ZNF324B: variants seen among roughly 807,000 people sequenced by gnomAD.
ZNF324B encodes the protein zinc finger protein 324B.
ZNF324B carries 7 observed loss-of-function variants against 10.6 expected under a neutral mutation model. That is an observed-to-expected ratio of 0.66 (90% confidence interval 0.38 to 1.24). The LOEUF is 1.24. Ranked by LOEUF, ZNF324B falls within the 50% of genes most tolerant of loss-of-function variation. The probability of loss-of-function intolerance (pLI) is 0.02; values close to 1 mark genes in which losing one functional copy is unlikely to be tolerated. For synonymous variants in ZNF324B, 316 were observed against 321.0 expected (o/e 0.98, Z 0.17); for missense variants, 640 against 764.7 (o/e 0.84, Z 1.92).
chr19:58,438,875 G>A, the ZNF324B span, among the ~76,000 whole-genome samples: 1 of 151,776 alleles, frequency 6.6e-6, no homozygotes, highest in African/African-American at 2.4e-5. Context: ...GATTCAAACA[G>A]TTCTTCTGCC....
upstream of ZNF324B, among the ~76,000 whole-genome samples, chr19:58,447,949 T>C (rs2052835241): frequency 6.6e-6 from 1 of 152,220 alleles, no homozygotes; most frequent in Non-Finnish European, 1.5e-5. Context: ...CCTGCCACCA[T>C]GTAAGACAGG....
chr19:58,432,334 A>T, the ZNF324B span: 3 of 517,564 alleles, frequency 5.8e-6, no homozygotes, highest in Non-Finnish European at 1.2e-5. Context: ...CATGGCAAAT[A>T]CAAAGGTCTG....
At chr19:58,435,643 A>T in the ZNF324B span, 1 of 167,684 alleles carries the variant, frequency 6.0e-6, no homozygotes, top group Admixed American at 5.7e-5. Context: ...TGGAGCACTT[A>T]TACACTGCAG....
chr19:58,445,632 A>G, the ZNF324B span: 4 of 387,334 alleles, frequency 1.0e-5, no homozygotes, highest in Non-Finnish European at 2.0e-5. Context: ...CCTGGCTAAC[A>G]TGGCAAACCC....
chr19:58,442,340 T>G, the ZNF324B span: 2 of 149,746 alleles, frequency 1.3e-5, no homozygotes, highest in African/African-American at 5.0e-5. Flanking sequence ...GGCTAATTTT[T>G]TTTTTTTGTA....
At chr19:58,420,433 A>T in the ZNF324B span, among the ~76,000 whole-genome samples, 8 of 151,406 alleles carry the variant, frequency 5.3e-5, no homozygotes, top group African/African-American at 1.2e-4. Flanking sequence ...AAAAAAAAAA[A>T]TTTGGGAGTA....
At chr19:58,446,720 C>G (rs11671113), upstream of ZNF324B, among the ~76,000 whole-genome samples, 1 of 150,350 alleles carries the variant, frequency 6.7e-6, no homozygotes, top group East Asian at 2.0e-4. Flanking sequence ...GGAATTACAG[C>G]CACACACCAC....
At chr19:58,449,180 G>A (rs2052840005), upstream of ZNF324B, among the ~76,000 whole-genome samples, 1 of 152,234 alleles carries the variant, frequency 6.6e-6, no homozygotes, top group Non-Finnish European at 1.5e-5. Context: ...TCAAGCCTTG[G>A]CAGCTCCCAT....
At chr19:58,422,834 A>G in the ZNF324B span, among the ~76,000 whole-genome samples, 1 of 152,198 alleles carries the variant, frequency 6.6e-6, no homozygotes, top group African/African-American at 2.4e-5. Flanking sequence ...ATGGAAAAAC[A>G]TATGCTCATG....
At chr19:58,426,142 C>G in the ZNF324B span, among the ~76,000 whole-genome samples, 1 of 152,174 alleles carries the variant, frequency 6.6e-6, no homozygotes, top group Admixed American at 6.5e-5. Context: ...GCCTCCCCAT[C>G]AAACAATCGA....
the ZNF324B span, chr19:58,442,019 C>G: frequency 6.6e-6 from 1 of 152,422 alleles, no homozygotes; most frequent in Non-Finnish European, 1.5e-5. Flanking sequence ...CTCCGCCTTT[C>G]CATTGTTCCC....
At chr19:58,449,498 C>G (rs1025937519), upstream of ZNF324B, among the ~76,000 whole-genome samples, 3 of 152,206 alleles carry the variant, frequency 2.0e-5, no homozygotes, top group Admixed American at 6.5e-5. Flanking sequence ...GTCACAGACA[C>G]TCAACACCAG....
At chr19:58,420,612 G>A in the ZNF324B span, among the ~76,000 whole-genome samples, 1 of 151,806 alleles carries the variant, frequency 6.6e-6, no homozygotes, top group Non-Finnish European at 1.5e-5. Context: ...ATGTGCCCAG[G>A]CTGATCTTGA....
Position 58,456,629 on chromosome 19 carries a change from C to A in ZNF324B, c.*50C>A. The stretch of plus-strand genomic sequence containing the variant: ...TTCTTGGCCTTCTGTGAATCCCTTC[C>A]ACAGCTAAAGGGTCCGAGTGCTCTT... On this transcript the variant is annotated 3_prime_UTR_variant, in exon 4 of 4. Coordinates refer to ENST00000336614, the MANE Select transcript of ZNF324B (RefSeq NM_207395.3). This position sits in a 1 kb window ranked among gnomAD's most constrained non-coding sequence, Gnocchi z 4.7. 6.3e-7 allele frequency: 1 copy of A among 1,576,236 alleles called. No homozygotes were observed.
At chr19:58,447,121 G>T (rs1272698674), upstream of ZNF324B, among the ~76,000 whole-genome samples, 1 of 152,044 alleles carries the variant, frequency 6.6e-6, no homozygotes, top group South Asian at 2.1e-4. Context: ...ACTTACAGGC[G>T]TGTGCCACCA....
upstream of ZNF324B, among the ~76,000 whole-genome samples, chr19:58,448,923 G>C (rs1012231527): frequency 6.6e-6 from 1 of 152,210 alleles, no homozygotes; most frequent in African/African-American, 2.4e-5. Context: ...CAAGAAATTT[G>C]CATAAGTAAC....
the ZNF324B span, chr19:58,443,578 C>A: frequency 1.3e-5 from 2 of 152,330 alleles, no homozygotes; most frequent in East Asian, 3.8e-4. Context: ...GAAATCTCAC[C>A]CCTCAATGCC....
At chr19:58,424,185 G>T in the ZNF324B span, among the ~76,000 whole-genome samples, 3 of 152,120 alleles carry the variant, frequency 2.0e-5, no homozygotes, top group African/African-American at 7.2e-5. Context: ...GGAGGCGGAG[G>T]TTGCAGTGAG....
chr19:58,451,459 C>T (rs2052855302), upstream of ZNF324B: 2 of 339,030 alleles, frequency 5.9e-6, no homozygotes, highest in Non-Finnish European at 1.2e-5. Flanking sequence ...TTCCAGGCGC[C>T]CAGCGCGGCG....
Sources: allele counts gnomAD v4.1 joint callset (sites outside exome capture counted in the v4.1 genomes callset), GRCh38; gene constraint gnomAD v4.1.1; non-coding constraint Gnocchi (gnomAD v3.1); transcripts MANE v1.5; gene names NCBI Gene and HGNC (gene_info 2026-07-23, HGNC 2026-07-21).